Variants in SEC14L3 observed in about 807,000 individuals in gnomAD.
SEC14L3 encodes the protein SEC14-like protein 3.
In SEC14L3, 56 loss-of-function variants were observed where a neutral mutation model predicts 57.4. The ratio of observed to expected loss-of-function variants is 0.97; its 90% confidence interval spans 0.79 to 1.22. The LOEUF (loss-of-function observed/expected upper bound fraction) is 1.22. Among genes scored for constraint, SEC14L3 ranks in the 50% most tolerant of loss-of-function variants. SEC14L3 has a pLI of 0.00. For synonymous variants in SEC14L3, 173 were observed against 194.4 expected, an observed-to-expected ratio of 0.89 and a Z score of 0.92; for missense variants, 485 against 511.7, an observed-to-expected ratio of 0.95 and a Z score of 0.50.
At chr22:30,458,490 CAAAT>C (rs1935157843), downstream of SEC14L3, among the ~76,000 whole-genome samples, 1 of 152,180 alleles carries the variant, frequency 6.6e-6, no homozygotes, top group African/African-American at 2.4e-5. Flanking sequence ...AGGTCTAGAA[CAAAT>C]AAATCATGCC....
rs780330449 is a variant in SEC14L3, at chr22:30,467,077, G to C, written c.424C>G (p.Leu142Val). 2.5e-6 allele frequency: 4 copies of C among 1,613,944 alleles called. No homozygotes were observed. Among genetic ancestry groups the C allele is most frequent in the Middle Eastern group, 1.7e-4 (1 of 6,060 alleles). Residue 142 changes from leucine (L) to valine (V), a missense_variant and splice_region_variant, in exon 6 of 12, where the codon CTA becomes GTA. Leu to Val is a conservative substitution (Grantham distance 32). Transcript: ENST00000215812. Reference sequence around the variant, plus strand: ...ACGATGGTCTCAATCTTCTTCCCTAGCTGCAAGGATGAGAGCAAGAAGTAG... The same window carrying C: ...ACGATGGTCTCAATCTTCTTCCCTACCTGCAAGGATGAGAGCAAGAAGTAG... ...LHECDLQTER[L>V]GKKIETIVMI... is the part of the protein sequence containing the mutation.
At chr22:30,450,937 G>A (rs2146080944) in intron 12 of SEC14L3, among the ~76,000 whole-genome samples, 1 of 152,394 alleles carries the variant, frequency 6.6e-6, no homozygotes, top group Middle Eastern at 3.4e-3. Context: ...AGAGATGGTG[G>A]CCATGCTGGG....
At position 30,466,372 on chromosome 22, in the gene SEC14L3, TTC is replaced by T. The variant is rs1338117735; in HGVS notation, c.540_541del (p.Asn181LeufsTer30). The T allele has an allele frequency of 6.2e-7, 1 of 1,614,110 alleles. No individual in the cohort carries two copies. The highest frequency in any genetic ancestry group is 2.2e-5 in the East Asian group (1 of 44,866). Reference sequence around the variant, plus strand: ...CATGAACTTCAGGGTCTCTGGGTAATTCTCTTCAAGGAGGCCAAAGAACTGTG... The same window carrying T: ...CATGAACTTCAGGGTCTCTGGGTAATTCTTCAAGGAGGCCAAAGAACTGTG... On this transcript the variant is annotated frameshift_variant, in exon 7 of 12. Coordinates refer to ENST00000215812, the MANE Select transcript of SEC14L3 (RefSeq NM_174975.5). LOFTEE classifies it high-confidence loss of function.
chr22:30,449,354 A>C (rs1934935678), intron 12 of SEC14L3: 1 of 1,397,894 alleles, frequency 7.2e-7, no homozygotes, highest in African/African-American at 1.4e-5. Context: ...GTGTTTTATA[A>C]AATAGGATTC....
rs1431115365 is a variant in SEC14L3, at chr22:30,461,055, C to T, written c.1081+255G>A. Among the ~76,000 whole-genome samples, 6 of 152,284 alleles carry T rather than the reference C, an allele frequency of 3.9e-5. No homozygotes were observed. The South Asian group carries it at 1.2e-3, about 32-fold the overall frequency. ...CCTCATGTGGAAAACTACACCTGCCCTATCACTTGTTGTCTGTGTTCTGTG... is the reference window on the plus strand; with the variant it reads ...CCTCATGTGGAAAACTACACCTGCCTTATCACTTGTTGTCTGTGTTCTGTG... On this transcript the variant is annotated intron_variant, in intron 11 of 11. Transcript: ENST00000215812.
intron 5 of SEC14L3, 53 bp downstream of exon 5, chr22:30,468,455 C>G (rs1935492647): frequency 2.8e-6 from 4 of 1,411,688 alleles, no homozygotes; most frequent in Non-Finnish European, 4.0e-6. Context: ...GACCAATCCC[C>G]CCGGCAGCCT....
intron 9 of SEC14L3, 52 bp from the exon 10 acceptor site, chr22:30,461,746 T>C: frequency 6.4e-7 from 1 of 1,570,470 alleles, no homozygotes; most frequent in African/African-American, 1.4e-5. Flanking sequence ...CCATTGTTCA[T>C]GTTTCTTCTG....
intron 4 of SEC14L3, 149 bp downstream of exon 4, chr22:30,469,870 A>G (rs1367743192): frequency 3.0e-5 from 19 of 631,498 alleles, no homozygotes; most frequent in Non-Finnish European, 5.3e-5. Flanking sequence ...GCAAGCCCCC[A>G]GGAAACATTC....
chr22:30,468,404 C>A, intron 5 of SEC14L3, 104 bp downstream of exon 5: 1 of 776,568 alleles, frequency 1.3e-6, no homozygotes, highest in Non-Finnish European at 2.1e-6. Context: ...GACCCCAGAG[C>A]CCTCTGACTG....
chr22:30,471,492 TG>T (rs1935609997), intron 1 of SEC14L3, among the ~76,000 whole-genome samples: 1 of 152,212 alleles, frequency 6.6e-6, no homozygotes, highest in Non-Finnish European at 1.5e-5. Flanking sequence ...CTCTGTCTCT[TG>T]GGCTTTTACA....
At chr22:30,455,118 T>TAATATATTAAATATTTAATATA (rs1427345891), downstream of SEC14L3, among the ~76,000 whole-genome samples, 1 of 46,042 alleles carries the variant, frequency 2.2e-5, no homozygotes. Flanking sequence ...TATTTAATAT[T>TAATATATTAAATATTTAATATA]TAATATATAT....
downstream of SEC14L3, among the ~76,000 whole-genome samples, chr22:30,455,221 A>T (rs1161531512): frequency 8.1e-6 from 1 of 124,144 alleles, no homozygotes; most frequent in Non-Finnish European, 1.6e-5. Context: ...ATATTAAATA[A>T]TATAATATAT....
chr22:30,457,377 C>CTTTT (rs60894978), downstream of SEC14L3, among the ~76,000 whole-genome samples: 3 of 136,656 alleles, frequency 2.2e-5, no homozygotes, highest in Admixed American at 7.5e-5. Context: ...TTAAGTATGT[C>CTTTT]TTTTTTTTTT....
chr22:30,465,863 A>G (rs1287471260), intron 7 of SEC14L3, among the ~76,000 whole-genome samples: 2 of 152,178 alleles, frequency 1.3e-5, no homozygotes, highest in Non-Finnish European at 2.9e-5. Context: ...TCTACCCACA[A>G]CAATTACCCA....
chr22:30,462,250 C>T (rs1569228785), intron 8 of SEC14L3, 58 bp from the exon 9 acceptor site: 1 of 1,540,140 alleles, frequency 6.5e-7, no homozygotes, highest in Non-Finnish European at 8.8e-7. Flanking sequence ...AATTAGCCTC[C>T]CACACCCACC....
At chr22:30,457,946 C>T (rs1280246233), downstream of SEC14L3, among the ~76,000 whole-genome samples, 2 of 152,158 alleles carry the variant, frequency 1.3e-5, no homozygotes, top group South Asian at 2.1e-4. Flanking sequence ...CTCAGTTTCC[C>T]ATCTATAAAG....
At chr22:30,461,811 T>C in intron 9 of SEC14L3, 117 bp from the exon 10 acceptor site, 1 of 1,390,946 alleles carries the variant, frequency 7.2e-7, no homozygotes. Flanking sequence ...AGCCCCACTC[T>C]CCCACCTCCT....
downstream of SEC14L3, among the ~76,000 whole-genome samples, chr22:30,457,381 T>C (rs943669808): frequency 0.033 from 531 of 16,128 alleles, 14 homozygotes; most frequent in African/African-American, 0.27. Flanking sequence ...GTATGTCTTT[T>C]TTTTTTTTTT....
Position 30,470,475 on chromosome 22 carries a change from CT to C in SEC14L3, c.130+31del, listed in dbSNP as rs566961990. The C allele has an allele frequency of 1.2e-4, 187 of 1,613,618 alleles. 1 individual carries two copies. The African/African-American group carries it at 2.1e-3, about 18-fold the overall frequency. ...GAGACCAGGCCCCTCTTGATGCCCC[CT>C]GATCCCAACCTCTCCCACCTCTGCC... On this transcript the variant is annotated intron_variant, in intron 2 of 11. Transcript: ENST00000215812.
Sources: gnomAD v4.1 joint callset for allele counts (sites outside exome capture counted in the v4.1 genomes callset) on GRCh38, gnomAD v4.1.1 for gene constraint, MANE v1.5 for transcripts, NCBI Gene and HGNC (gene_info 2026-07-23, HGNC 2026-07-21) for gene names.